ZNF134: variants seen among roughly 807,000 people sequenced by gnomAD.
The protein encoded by ZNF134 is zinc finger protein 134.
Under a neutral mutation model 2.5 loss-of-function variants are expected in ZNF134, and 5 were observed. The observed-to-expected ratio is 2.03, with a 90% CI of 1.06 to 4.27. The LOEUF is 4.27. ZNF134 is among the 30% of genes most tolerant of loss of function. ZNF134 has a pLI of 0.00. For synonymous variants in ZNF134, 176 were observed against 176.2 expected (o/e 1.00, Z 0.01); for missense variants, 540 against 517.5 (o/e 1.04, Z -0.42).
At position 57,623,368 on chromosome 19, in the gene ZNF134, G is replaced by A. The variant is rs548383942; in HGVS notation, c.*1965G>A. On this transcript the variant is annotated 3_prime_UTR_variant, in exon 3 of 3. Transcript: ENST00000396161. ...AAAGCTGCTGCAAATATTGATGCAT[G>A]AGTCTTTATGTGGACACTTAGCTGA... 6.6e-5 allele frequency: 10 copies of A among 152,148 alleles called. No individual in the cohort carries two copies. The highest frequency in any genetic ancestry group is 1.5e-4 in the Non-Finnish European group (10 of 68,032). 9.4% of individuals were successfully genotyped at this position (152,148 alleles called of 1,614,324 possible).
chr19:57,619,057 C>G (rs1167526537), intron 1 of ZNF134, among the ~76,000 whole-genome samples: 2 of 152,096 alleles, frequency 1.3e-5, no homozygotes. Context: ...TCCCTGTGTT[C>G]CTCAACTCCT....
At chr19:57,616,823 A>G (rs1339507373) in intron 1 of ZNF134, among the ~76,000 whole-genome samples, 2 of 152,142 alleles carry the variant, frequency 1.3e-5, no homozygotes, top group Non-Finnish European at 2.9e-5. Context: ...GCCCTCACTT[A>G]GCCCAACACA....
chr19:57,614,969 G>A (rs949487884), intron 1 of ZNF134, among the ~76,000 whole-genome samples: 3 of 152,056 alleles, frequency 2.0e-5, no homozygotes, highest in Admixed American at 6.6e-5. Context: ...GGCAGGAGGG[G>A]TTGGGTGGGG....
At position 57,624,524 on chromosome 19, in the gene ZNF134, A is replaced by G. The variant is rs1981322654; in HGVS notation, c.*3121A>G. 6.6e-6 allele frequency: 1 copy of G among 152,240 alleles called. No individual in the cohort carries two copies. Among genetic ancestry groups the G allele is most frequent in the Non-Finnish European group, 1.5e-5 (1 of 68,056 alleles). 9.4% of individuals were successfully genotyped at this position (152,240 alleles called of 1,614,324 possible). A position where few individuals can be genotyped will look rare whatever the true frequency, so the allele number is the denominator to read the frequency against. On this transcript the variant is annotated 3_prime_UTR_variant, in exon 3 of 3. Coordinates refer to ENST00000396161, the MANE Select transcript of ZNF134 (RefSeq NM_003435.5). ...CTGTAACTCTTCCAGGCAAACCCAA[A>G]TAAGGGAGGAGGGGTGGTAATCAGG...
intron 1 of ZNF134, among the ~76,000 whole-genome samples, chr19:57,616,370 T>A (rs1268334107): frequency 6.6e-6 from 1 of 152,258 alleles, no homozygotes; most frequent in East Asian, 1.9e-4. Flanking sequence ...TTTATTACAA[T>A]GGAAAAATCT....
chr19:57,615,514 T>A (rs1981026678), intron 1 of ZNF134, among the ~76,000 whole-genome samples: 1 of 151,788 alleles, frequency 6.6e-6, no homozygotes, highest in Non-Finnish European at 1.5e-5. Flanking sequence ...AAACCAGCAC[T>A]CAGGCAAAAG....
chr19:57,621,302 A>G lies in ZNF134; in HGVS notation c.1183A>G (p.Thr395Ala). Reference sequence around the variant, plus strand: ...CCTTGTTCGACACCAAAGAGTTCACACTGGAGAAAGGCCATATGAGTGCAG... The same window carrying G: ...CCTTGTTCGACACCAAAGAGTTCACGCTGGAGAAAGGCCATATGAGTGCAG... ...SHLVRHQRVHTGERPYECSEC... is the reference protein window; with the variant it reads ...SHLVRHQRVHAGERPYECSEC... The change falls in exon 3 of 3, where the codon ACT becomes GCT. Residue 395 changes from threonine to alanine, a missense_variant. Coordinates refer to ENST00000396161, the MANE Select transcript of ZNF134 (RefSeq NM_003435.5). The G allele has an allele frequency of 3.1e-6, 5 of 1,614,192 alleles. No homozygotes were observed. Among genetic ancestry groups the G allele is most frequent in the Non-Finnish European group, 1.7e-6 (2 of 1,180,046 alleles).
At chr19:57,619,040 C>T (rs186038794) in intron 1 of ZNF134, among the ~76,000 whole-genome samples, 85 of 152,174 alleles carry the variant, frequency 5.6e-4, no homozygotes, top group Non-Finnish European at 9.4e-4. Flanking sequence ...TGCATTGGCC[C>T]CTCTCTTCCC....
rs1981320120 is a variant in ZNF134, at chr19:57,624,446, G to A, written c.*3043G>A. The A allele has an allele frequency of 6.6e-6, 1 of 151,888 alleles. No individual in the cohort carries two copies. Among genetic ancestry groups the A allele is most frequent in the South Asian group, 2.1e-4 (1 of 4,810 alleles). 9.4% of individuals were successfully genotyped at this position (151,888 alleles called of 1,614,324 possible). The stretch of plus-strand genomic sequence containing the variant: ...TAGGCAAAGAAACCGTGGGATAACA[G>A]AAAACCCAAAACAAAAGAGAAAACT... On this transcript the variant is annotated 3_prime_UTR_variant, in exon 3 of 3. Transcript: ENST00000396161.
Position 57,621,454 on chromosome 19 carries a change from A to G in ZNF134, c.*51A>G, listed in dbSNP as rs1174683794. ...ATCAATCAGATGTTGAATTTCATGT[A>G]TCTGAACATTGACACAAAGGAGATA... On this transcript the variant is annotated 3_prime_UTR_variant, in exon 3 of 3. Coordinates refer to ENST00000396161, the MANE Select transcript of ZNF134 (RefSeq NM_003435.5). The G allele has an allele frequency of 6.2e-7, 1 of 1,604,726 alleles. No homozygotes were observed.
chr19:57,621,562 C>A lies in ZNF134; in HGVS notation c.*159C>A. On this transcript the variant is annotated 3_prime_UTR_variant, in exon 3 of 3. Coordinates refer to ENST00000396161, the MANE Select transcript of ZNF134 (RefSeq NM_003435.5). ...CTCAGGTTTTTTGCCAGAGTTATGT[C>A]ACTGTCAATCCATGTGGCCGAAACC... 1 of 1,103,350 alleles carries A rather than the reference C, an allele frequency of 9.1e-7. No homozygotes were observed. The highest frequency in any genetic ancestry group is 1.4e-6 in the Non-Finnish European group (1 of 728,386). 68.3% of individuals were successfully genotyped at this position (1,103,350 alleles called of 1,614,324 possible). A position where few individuals can be genotyped will look rare whatever the true frequency, so the allele number is the denominator to read the frequency against.
intron 1 of ZNF134, among the ~76,000 whole-genome samples, chr19:57,617,441 G>A (rs533558782): frequency 5.9e-5 from 9 of 152,296 alleles, no homozygotes; most frequent in African/African-American, 2.2e-4. Flanking sequence ...GGCAAGGGGT[G>A]AAGGAAGACC....
Position 57,623,509 on chromosome 19 carries a change from AT to A in ZNF134, c.*2109del, listed in dbSNP as rs1463298370. The A allele has an allele frequency of 6.6e-6, 1 of 152,276 alleles. No homozygotes were observed. The highest frequency in any genetic ancestry group is 2.4e-5 in the African/African-American group (1 of 41,560). 9.4% of individuals were successfully genotyped at this position (152,276 alleles called of 1,614,324 possible). On this transcript the variant is annotated 3_prime_UTR_variant, in exon 3 of 3. Transcript: ENST00000396161. The stretch of plus-strand genomic sequence containing the variant: ...AACTGTGAAACAGAAAAGACCTAAG[AT>A]TTGATGATTTGGGAAATTCTCAGCC...
rs201845735 is a variant in ZNF134 at position 57,620,444 on chromosome 19, G to T, written c.325G>T (p.Asp109Tyr). 2 of 1,614,174 alleles carry T rather than the reference G, an allele frequency of 1.2e-6. No individual in the cohort carries two copies. The highest frequency in any genetic ancestry group is 4.5e-5 in the East Asian group (2 of 44,890). ...CYSIEQPLRR[D>Y]KSEASIVKNC... ...CAGTATAGAGCAACCCTTAAGAAGG[G>T]ATAAAAGTGAGGCCTCAATTGTGAA... The change falls in exon 3 of 3, where the codon GAT becomes TAT. Residue 109 changes from aspartate to tyrosine, a missense_variant. Transcript: ENST00000396161.
intron 2 of ZNF134, among the ~76,000 whole-genome samples, 154 bp from the exon 3 acceptor site, chr19:57,620,006 A>G (rs1232337281): frequency 6.6e-6 from 1 of 152,122 alleles, no homozygotes; most frequent in African/African-American, 2.4e-5. Flanking sequence ...AGATTCCAGT[A>G]CTGTACAGCA....
At position 57,621,265 on chromosome 19, in the gene ZNF134, C is replaced by A. The variant is rs1257657609; in HGVS notation, c.1146C>A (p.Ile382=). 6.2e-7 allele frequency: 1 copy of A among 1,613,924 alleles called. No individual in the cohort carries two copies. Among genetic ancestry groups the A allele is most frequent in the Non-Finnish European group, 8.5e-7 (1 of 1,180,016 alleles). ...GCAGTAAATGTGGGAAAGACTTTAT[C>A]AGAACCTCCCACCTTGTTCGACACC... ...FVCSKCGKDF[I]RTSHLVRHQR... Residue 382 remains isoleucine, a synonymous_variant, in exon 3 of 3, where the codon ATC becomes ATA. Coordinates refer to ENST00000396161, the MANE Select transcript of ZNF134 (RefSeq NM_003435.5).
At chr19:57,619,715 G>A in intron 2 of ZNF134, 1 of 599,390 alleles carries the variant, frequency 1.7e-6, no homozygotes, top group East Asian at 2.8e-5. Context: ...GGCTCTAGTA[G>A]AGCAATAGCT....
Position 57,621,733 on chromosome 19 carries a change from C to A in ZNF134, c.*330C>A. The A allele has an allele frequency of 2.4e-6, 1 of 416,414 alleles. No individual in the cohort carries two copies. The highest frequency in any genetic ancestry group is 4.5e-6 in the Non-Finnish European group (1 of 220,314). 25.8% of individuals were successfully genotyped at this position (416,414 alleles called of 1,614,324 possible). On this transcript the variant is annotated 3_prime_UTR_variant, in exon 3 of 3. Coordinates refer to ENST00000396161, the MANE Select transcript of ZNF134 (RefSeq NM_003435.5). ...TGACAGGTATAGGTATGGATATGACCCATTTTTAGCCAAGAGGGTCTGAGC... is the reference window on the plus strand; with the variant it reads ...TGACAGGTATAGGTATGGATATGACACATTTTTAGCCAAGAGGGTCTGAGC...
At chr19:57,619,170 C>A (rs1599944706) in intron 1 of ZNF134, among the ~76,000 whole-genome samples, 1 of 152,284 alleles carries the variant, frequency 6.6e-6, no homozygotes, top group South Asian at 2.1e-4. Context: ...TGTCCACACT[C>A]ATGACACCTC....
Sources: gnomAD v4.1 joint callset for allele counts (sites outside exome capture counted in the v4.1 genomes callset) on GRCh38, gnomAD v4.1.1 for gene constraint, MANE v1.5 for transcripts, NCBI Gene and HGNC (gene_info 2026-07-23, HGNC 2026-07-21) for gene names.